The following SLC25A26 variants were observed in gnomAD, a reference collection of about 807,000 sequenced individuals.
SLC25A26 encodes mitochondrial S-adenosylmethionine carrier protein.
In SLC25A26, 36 loss-of-function variants were observed where a neutral mutation model predicts 37.8. The ratio of observed to expected loss-of-function variants is 0.95; its 90% CI spans 0.73 to 1.26. The LOEUF (loss-of-function observed/expected upper bound fraction) is 1.26, where lower values mean the gene tolerates loss of function less well. SLC25A26 is among the 50% of genes most tolerant of loss of function. The pLI is 0.00. For synonymous variants in SLC25A26, 129 were observed against 122.5 expected, an observed-to-expected ratio of 1.05 and a Z score of -0.35; for missense variants, 390 against 331.1, an observed-to-expected ratio of 1.18 and a Z score of -1.38.
intron 1 of SLC25A26, among the ~76,000 whole-genome samples, chr3:66,147,500 C>T (rs1251614707): frequency 2.0e-5 from 3 of 151,912 alleles, no homozygotes; most frequent in Admixed American, 6.6e-5. Context: ...GATGGACACT[C>T]AGGTTGGTTT....
chr3:66,244,331 G>A (rs2072724770), intron 3 of SLC25A26, among the ~76,000 whole-genome samples: 1 of 152,114 alleles, frequency 6.6e-6, no homozygotes, highest in Admixed American at 6.5e-5. Context: ...AACATATAAA[G>A]CAAAAACTGA....
intron 1 of SLC25A26, among the ~76,000 whole-genome samples, chr3:66,174,776 A>T (rs866388780): frequency 7.4e-4 from 111 of 150,134 alleles, no homozygotes; most frequent in Admixed American, 3.8e-3. Flanking sequence ...ACAAAGCAAG[A>T]CTCCGAGACT....
At chr3:66,166,648 A>T (rs1450196260) in intron 1 of SLC25A26, among the ~76,000 whole-genome samples, 4 of 152,144 alleles carry the variant, frequency 2.6e-5, no homozygotes, top group African/African-American at 9.7e-5. Flanking sequence ...GGCTAACCAT[A>T]TTGGCACTGT....
chr3:66,344,755 G>A (rs778942964), intron 5 of SLC25A26, among the ~76,000 whole-genome samples: 9 of 152,304 alleles, frequency 5.9e-5, no homozygotes, highest in Admixed American at 5.2e-4. Flanking sequence ...TTTATCTTAG[G>A]AAATATGACA....
intron 7 of SLC25A26, among the ~76,000 whole-genome samples, chr3:66,364,793 AAC>A (rs1356888994): frequency 1.3e-5 from 2 of 150,750 alleles, no homozygotes; most frequent in East Asian, 1.9e-4. Context: ...TACTGTACAC[AAC>A]AGTCTCCTCT....
At chr3:66,191,619 G>T (rs2070943540) in intron 1 of SLC25A26, among the ~76,000 whole-genome samples, 1 of 152,102 alleles carries the variant, frequency 6.6e-6, no homozygotes, top group African/African-American at 2.4e-5. Context: ...GCTGGCTGCA[G>T]TACCTCATGC....
intron 5 of SLC25A26, among the ~76,000 whole-genome samples, chr3:66,300,136 C>T (rs1559673815): frequency 1.3e-5 from 2 of 152,094 alleles, no homozygotes; most frequent in African/African-American, 2.4e-5. Flanking sequence ...GTTTTTCATC[C>T]ATTCATGCTG....
intron 1 of SLC25A26, among the ~76,000 whole-genome samples, chr3:66,141,058 C>T (rs1410956228): frequency 6.6e-6 from 1 of 151,480 alleles, no homozygotes; most frequent in Non-Finnish European, 1.5e-5. Context: ...AGGACACACA[C>T]ACACACACAC....
At chr3:66,234,849 A>G (rs1462753996) in intron 1 of SLC25A26, among the ~76,000 whole-genome samples, 1 of 152,198 alleles carries the variant, frequency 6.6e-6, no homozygotes, top group Admixed American at 6.5e-5. Flanking sequence ...GTATAGTTTA[A>G]AAATGTGTAT....
intron 1 of SLC25A26, among the ~76,000 whole-genome samples, chr3:66,195,595 G>T (rs2071032723): frequency 6.6e-6 from 1 of 152,234 alleles, no homozygotes; most frequent in Non-Finnish European, 1.5e-5. Context: ...CTAGCGTCTG[G>T]CTGATGGGTG....
intron 1 of SLC25A26, among the ~76,000 whole-genome samples, chr3:66,145,029 A>T (rs925153818): frequency 1.3e-5 from 2 of 152,184 alleles, no homozygotes; most frequent in African/African-American, 2.4e-5. Context: ...TGAGTCAGAG[A>T]AATGATGCAT....
At chr3:66,317,966 G>A (rs1486842985) in intron 5 of SLC25A26, among the ~76,000 whole-genome samples, 1 of 152,220 alleles carries the variant, frequency 6.6e-6, no homozygotes, top group Non-Finnish European at 1.5e-5. Context: ...GGCACTGGTG[G>A]CAGGGGAAAA....
intron 1 of SLC25A26, among the ~76,000 whole-genome samples, chr3:66,182,996 A>G (rs1559565593): frequency 6.6e-6 from 1 of 152,158 alleles, no homozygotes; most frequent in Non-Finnish European, 1.5e-5. Flanking sequence ...CGGAGGATCA[A>G]TGAAGCAGCT....
At chr3:66,229,751 G>C (rs144607300) in intron 1 of SLC25A26, among the ~76,000 whole-genome samples, 151,782 of 152,344 alleles carry the variant, frequency 1, 75,613 homozygotes, top group Middle Eastern at 1. Flanking sequence ...CTGTTTGATG[G>C]CAAAGCTGTG....
intron 5 of SLC25A26, among the ~76,000 whole-genome samples, chr3:66,324,697 G>T (rs895779883): frequency 6.6e-6 from 1 of 152,146 alleles, no homozygotes; most frequent in Non-Finnish European, 1.5e-5. Flanking sequence ...GGGCAGCTTG[G>T]GAGGCTAGAA....
At chr3:66,145,573 A>G (rs537363041) in intron 1 of SLC25A26, among the ~76,000 whole-genome samples, 6 of 152,334 alleles carry the variant, frequency 3.9e-5, no homozygotes, top group Non-Finnish European at 7.3e-5. Context: ...CAGAGTGTAC[A>G]ATATATAACT....
At chr3:66,377,267 C>T (rs777882749) in intron 9 of SLC25A26, among the ~76,000 whole-genome samples, 4 of 152,228 alleles carry the variant, frequency 2.6e-5, no homozygotes, top group African/African-American at 4.8e-5. Context: ...AAAAGGAACA[C>T]AGGGAATCCA....
At chr3:66,292,256 G>A (rs2074738628) in intron 5 of SLC25A26, among the ~76,000 whole-genome samples, 1 of 152,038 alleles carries the variant, frequency 6.6e-6, no homozygotes, top group Admixed American at 6.6e-5. Flanking sequence ...TTTATCCAGT[G>A]TGCCATTCTG....
chr3:66,341,185 T>A (rs1462791860), intron 5 of SLC25A26, among the ~76,000 whole-genome samples: 1 of 152,160 alleles, frequency 6.6e-6, no homozygotes, highest in African/African-American at 2.4e-5. Flanking sequence ...ATTCAGTCTG[T>A]CACCATTAAG....
Sources: allele counts gnomAD v4.1 joint callset (sites outside exome capture counted in the v4.1 genomes callset), GRCh38; gene constraint gnomAD v4.1.1; transcripts MANE v1.5; gene names NCBI Gene and HGNC (gene_info 2026-07-23, HGNC 2026-07-21).